Variants in SCRG1 observed in about 807,000 individuals in gnomAD.
SCRG1 encodes the protein stimulator of chondrogenesis 1, also known as scrapie-responsive protein 1.
SCRG1 carries 3 observed loss-of-function variants against 7.7 expected under a neutral mutation model. The observed-to-expected ratio is 0.39, with a 90% CI of 0.18 to 1.01. SCRG1 has a LOEUF of 1.01. Among genes scored for constraint, SCRG1 ranks in the 50% least tolerant of loss-of-function variants. The pLI is 0.36. For synonymous variants in SCRG1, 46 were observed against 41.2 expected, an observed-to-expected ratio of 1.12 and a Z score of -0.44; for missense variants, 110 against 117.2, an observed-to-expected ratio of 0.94 and a Z score of 0.28.
chr4:173,439,912 C>G, the SCRG1 span, among the ~76,000 whole-genome samples: 1 of 152,166 alleles, frequency 6.6e-6, no homozygotes, highest in Non-Finnish European at 1.5e-5. Context: ...TTATTTTCCT[C>G]TTAGGTTGTA....
chr4:173,472,641 T>C, the SCRG1 span, among the ~76,000 whole-genome samples: 5 of 152,318 alleles, frequency 3.3e-5, no homozygotes, highest in South Asian at 1.0e-3. Context: ...GAAAATCCGA[T>C]GTCCCAGCTC....
the SCRG1 span, among the ~76,000 whole-genome samples, chr4:173,509,403 C>G: frequency 3.9e-5 from 6 of 152,230 alleles, no homozygotes; most frequent in South Asian, 6.2e-4. This position sits in a 1 kb window ranked among gnomAD's most constrained non-coding sequence, Gnocchi z 5.7. Context: ...CTTTTCCTCC[C>G]CGGGAGCACG....
chr4:173,516,938 A>G, the SCRG1 span, among the ~76,000 whole-genome samples: 1 of 152,242 alleles, frequency 6.6e-6, no homozygotes, highest in Non-Finnish European at 1.5e-5. Flanking sequence ...GCTAGAAAGG[A>G]AACGGCAAGA....
the SCRG1 span, among the ~76,000 whole-genome samples, chr4:173,439,307 A>C: frequency 6.6e-6 from 1 of 152,152 alleles, no homozygotes; most frequent in African/African-American, 2.4e-5. Context: ...TGGAAGGATC[A>C]GTTGAGTCCA....
the SCRG1 span, among the ~76,000 whole-genome samples, chr4:173,501,377 G>C: frequency 0.34 from 51,052 of 152,130 alleles, 10,645 homozygotes; most frequent in East Asian, 0.56. The surrounding 1 kb of genome is among the most constrained non-coding windows in gnomAD (Gnocchi z 5.1). Context: ...CCGCCCCAAA[G>C]ATGGGGGATT....
chr4:173,422,267 T>C, the SCRG1 span, among the ~76,000 whole-genome samples: 3 of 152,192 alleles, frequency 2.0e-5, no homozygotes, highest in Admixed American at 6.5e-5. Flanking sequence ...TAAAGTTGTG[T>C]GCATTTTAAG....
chr4:173,431,159 T>G, the SCRG1 span, among the ~76,000 whole-genome samples: 1 of 152,176 alleles, frequency 6.6e-6, no homozygotes. Flanking sequence ...TTAAAATTGT[T>G]AAAGAGAAAA....
At chr4:173,418,814 A>C in the SCRG1 span, among the ~76,000 whole-genome samples, 3 of 151,860 alleles carry the variant, frequency 2.0e-5, no homozygotes, top group African/African-American at 7.3e-5. Context: ...AGTGTGTAAC[A>C]CTTCCCCCTT....
chr4:173,424,619 A>C, the SCRG1 span, among the ~76,000 whole-genome samples: 1 of 152,180 alleles, frequency 6.6e-6, no homozygotes, highest in Non-Finnish European at 1.5e-5. Flanking sequence ...TAAGAAATGT[A>C]TGAAGCTAGG....
chr4:173,415,499 T>C, the SCRG1 span, among the ~76,000 whole-genome samples: 1,860 of 152,338 alleles, frequency 0.012, 53 homozygotes, highest in African/African-American at 0.042. Context: ...ATGGCCATTA[T>C]ATCAGTCTCT....
chr4:173,512,439 T>C, the SCRG1 span, among the ~76,000 whole-genome samples: 1 of 152,240 alleles, frequency 6.6e-6, no homozygotes, highest in South Asian at 2.1e-4. Context: ...AAATTTTTGG[T>C]ATGCATGGAA....
chr4:173,446,905 T>C, the SCRG1 span, among the ~76,000 whole-genome samples: 1 of 152,220 alleles, frequency 6.6e-6, no homozygotes, highest in East Asian at 1.9e-4. Flanking sequence ...TTAATTTGGA[T>C]TGAATTTTGG....
At chr4:173,505,701 A>G in the SCRG1 span, among the ~76,000 whole-genome samples, 1 of 152,180 alleles carries the variant, frequency 6.6e-6, no homozygotes, top group Non-Finnish European at 1.5e-5. The surrounding 1 kb of genome is among the most constrained non-coding windows in gnomAD (Gnocchi z 4.4). Flanking sequence ...AATCTAAAGC[A>G]TTCTCTCTAG....
chr4:173,506,039 G>T, the SCRG1 span, among the ~76,000 whole-genome samples: 1 of 152,230 alleles, frequency 6.6e-6, no homozygotes, highest in East Asian at 1.9e-4. This position sits in a 1 kb window ranked among gnomAD's most constrained non-coding sequence, Gnocchi z 5.3. Context: ...TGAAGGGGGA[G>T]CTCTGGGCTC....
the SCRG1 span, among the ~76,000 whole-genome samples, chr4:173,425,739 C>T: frequency 6.6e-6 from 1 of 152,236 alleles, no homozygotes; most frequent in Non-Finnish European, 1.5e-5. Flanking sequence ...CCAATTCACT[C>T]ATGGAAAAAT....
chr4:173,395,497 C>T (rs185010882), intron 1 of SCRG1, among the ~76,000 whole-genome samples: 1 of 152,344 alleles, frequency 6.6e-6, no homozygotes, highest in East Asian at 1.9e-4. Flanking sequence ...AGCCAGTCAT[C>T]TCTTTAATCC....
the SCRG1 span, among the ~76,000 whole-genome samples, chr4:173,451,630 CTTATT>C: frequency 6.2e-4 from 31 of 50,024 alleles, 1 homozygote; most frequent in East Asian, 1.2e-3. Context: ...ATTTTACTTA[CTTATT>C]TTATTTATTT....
chr4:173,389,275 C>T (rs1368723301), intron 2 of SCRG1, among the ~76,000 whole-genome samples: 31 of 152,040 alleles, frequency 2.0e-4, no homozygotes, highest in Admixed American at 1.9e-3. Flanking sequence ...TGGTTCACGC[C>T]TGTAATCCCA....
At chr4:173,478,857 T>G in the SCRG1 span, among the ~76,000 whole-genome samples, 15 of 152,256 alleles carry the variant, frequency 9.9e-5, no homozygotes, top group Admixed American at 8.5e-4. Context: ...ACTTTAGGAA[T>G]GATGTTTGAT....
Sources: gnomAD v4.1 joint callset for allele counts (sites outside exome capture counted in the v4.1 genomes callset) on GRCh38, gnomAD v4.1.1 for gene constraint, Gnocchi (gnomAD v3.1) non-coding constraint, MANE v1.5 for transcripts, NCBI Gene and HGNC (gene_info 2026-07-23, HGNC 2026-07-21) for gene names.